Variants in PTTG1IP2 observed in about 807,000 individuals in gnomAD.
The protein encoded by PTTG1IP2 is PTTG1IP family member 2.
At chr7:90,499,863 A>G (rs1334296367) in intron 6 of PTTG1IP2, among the ~76,000 whole-genome samples, 1 of 152,124 alleles carries the variant, frequency 6.6e-6, no homozygotes, top group Non-Finnish European at 1.5e-5. Flanking sequence ...GATTATAGGC[A>G]TGAGCCACTG....
intron 6 of PTTG1IP2, among the ~76,000 whole-genome samples, chr7:90,508,216 GA>G (rs1437080562): frequency 6.7e-6 from 1 of 149,606 alleles, no homozygotes; most frequent in African/African-American, 2.5e-5. Context: ...GCAGTGAGCT[GA>G]GATTGCGCCA....
At chr7:90,471,305 A>T (rs1797684518) in intron 1 of PTTG1IP2, among the ~76,000 whole-genome samples, 1 of 152,180 alleles carries the variant, frequency 6.6e-6, no homozygotes, top group East Asian at 1.9e-4. Flanking sequence ...TTGTGCCCTA[A>T]GTGACAGGCA....
At chr7:90,499,339 T>G (rs991354108) in intron 6 of PTTG1IP2, among the ~76,000 whole-genome samples, 1 of 152,182 alleles carries the variant, frequency 6.6e-6, no homozygotes, top group African/African-American at 2.4e-5. Context: ...TTGTTTCATC[T>G]TAGTTTCCTT....
chr7:90,499,198 A>T (rs1798033587), intron 6 of PTTG1IP2, among the ~76,000 whole-genome samples: 1 of 152,216 alleles, frequency 6.6e-6, no homozygotes, highest in African/African-American at 2.4e-5. Context: ...TGAGTTATTT[A>T]TTTTAACTTG....
chr7:90,512,932 A>G (rs1798206725), intron 6 of PTTG1IP2, among the ~76,000 whole-genome samples: 1 of 152,204 alleles, frequency 6.6e-6, no homozygotes, highest in Non-Finnish European at 1.5e-5. Context: ...CTTTCTGGGA[A>G]TATTTGTGTT....
At chr7:90,490,684 T>G (rs934473350) in intron 4 of PTTG1IP2, among the ~76,000 whole-genome samples, 11 of 152,202 alleles carry the variant, frequency 7.2e-5, no homozygotes, top group African/African-American at 1.9e-4. Context: ...GGGGCTGTTT[T>G]GTAATTTTTT....
Position 90,505,469 on chromosome 7 carries a change from G to C in PTTG1IP2, c.*51-7809G>C, listed in dbSNP as rs531168007. Among the ~76,000 whole-genome samples the C allele has an allele frequency of 3.9e-5, 6 of 152,256 alleles. No homozygotes were observed. The East Asian group carries it at 1.2e-3, about 29-fold the overall frequency. On this transcript the variant is annotated intron_variant, in intron 6 of 6. Coordinates refer to ENST00000509356, the MANE Select transcript of PTTG1IP2 (RefSeq NM_001365443.2). ...CCTTTATGTGTCTTGGCTGTCTTTT[G>C]GTAAATATATGCTGTTAAATTACAT...
chr7:90,471,129 C>A (rs984091631), intron 1 of PTTG1IP2, among the ~76,000 whole-genome samples: 1 of 152,202 alleles, frequency 6.6e-6, no homozygotes, highest in Non-Finnish European at 1.5e-5. Context: ...TGCCAAGGGC[C>A]TCTCCTGAAT....
At chr7:90,500,383 T>G (rs1224189531) in intron 6 of PTTG1IP2, among the ~76,000 whole-genome samples, 2 of 152,018 alleles carry the variant, frequency 1.3e-5, no homozygotes, top group South Asian at 2.1e-4. Flanking sequence ...TTCAGGAATG[T>G]GAGGAAACAA....
chr7:90,498,014 T>C (rs1231266569), intron 6 of PTTG1IP2, among the ~76,000 whole-genome samples: 2 of 151,652 alleles, frequency 1.3e-5, no homozygotes, highest in East Asian at 3.9e-4. Context: ...TTATATCCTC[T>C]TGATGAATGA....
At chr7:90,506,356 T>G (rs916113560) in intron 6 of PTTG1IP2, among the ~76,000 whole-genome samples, 1 of 152,264 alleles carries the variant, frequency 6.6e-6, no homozygotes, top group Non-Finnish European at 1.5e-5. Flanking sequence ...TTAAGTATTT[T>G]AATTACCTTG....
chr7:90,510,936 G>A (rs1303442660), intron 6 of PTTG1IP2, among the ~76,000 whole-genome samples: 1 of 152,190 alleles, frequency 6.6e-6, no homozygotes, highest in Non-Finnish European at 1.5e-5. Context: ...ATCTATTGGA[G>A]TTAACTCTGG....
In PTTG1IP2 at chr7:90,480,346, A is replaced by G. The variant is rs1484164048; in HGVS notation, c.192+1072A>G. 5.3e-5 allele frequency among the ~76,000 whole-genome samples: 8 copies of G among 152,216 alleles called. No individual in the cohort carries two copies. In the East Asian group the frequency reaches 1.2e-3, roughly 22 times the overall value. ...TCTTCCATAGACTTCCTTCTCTTCT[A>G]TGAATTCTCATGGTTGTTCACCTGA... On this transcript the variant is annotated intron_variant, in intron 2 of 6. Transcript: ENST00000509356.
intron 6 of PTTG1IP2, among the ~76,000 whole-genome samples, chr7:90,496,848 T>C (rs1797997301): frequency 6.6e-6 from 1 of 152,206 alleles, no homozygotes; most frequent in Non-Finnish European, 1.5e-5. Flanking sequence ...CCTCTAAGAA[T>C]TACTTTTGCT....
chr7:90,504,806 T>C (rs1798106542), intron 6 of PTTG1IP2, among the ~76,000 whole-genome samples: 1 of 152,242 alleles, frequency 6.6e-6, no homozygotes, highest in Non-Finnish European at 1.5e-5. Context: ...CCCATCACTT[T>C]TGTCTCATGG....
In PTTG1IP2 at chr7:90,474,307, A is replaced by C. The variant is rs201942229; in HGVS notation, c.145+4376A>C. Among the ~76,000 whole-genome samples the C allele has an allele frequency of 7.2e-5, 11 of 152,352 alleles. No homozygotes were observed. In the East Asian group the frequency reaches 1.9e-3, roughly 27 times the overall value. On this transcript the variant is annotated intron_variant, in intron 1 of 6. Transcript: ENST00000509356. ...TGTCCTATATGCAGTCTGTTGACCA[A>C]GATATAGTTATGCAGCACATGACTA...
chr7:90,501,951 T>C (rs913244016), intron 6 of PTTG1IP2, among the ~76,000 whole-genome samples: 1 of 152,238 alleles, frequency 6.6e-6, no homozygotes, highest in African/African-American at 2.4e-5. Flanking sequence ...TCTCACACCA[T>C]GATGTTGGTT....
chr7:90,485,589 T>C (rs544905393), intron 2 of PTTG1IP2, among the ~76,000 whole-genome samples: 41 of 152,150 alleles, frequency 2.7e-4, no homozygotes, highest in Non-Finnish European at 5.3e-4. Flanking sequence ...TAATACATTG[T>C]TGAGTTTCCC....
intron 4 of PTTG1IP2, among the ~76,000 whole-genome samples, chr7:90,490,963 C>A (rs945492479): frequency 2.6e-5 from 4 of 152,140 alleles, no homozygotes; most frequent in African/African-American, 7.2e-5. Flanking sequence ...ATCTTCTAGA[C>A]CTTGTTAATT....
Sources: allele counts gnomAD v4.1 joint callset (sites outside exome capture counted in the v4.1 genomes callset), GRCh38; gene constraint gnomAD v4.1.1; transcripts MANE v1.5; gene names NCBI Gene and HGNC (gene_info 2026-07-23, HGNC 2026-07-21).